Variants in CNTNAP2 observed in about 807,000 individuals in gnomAD.
CNTNAP2 encodes the protein contactin associated protein 2.
A neutral mutation model predicts 155.2 loss-of-function variants in CNTNAP2; 98 were observed. The ratio of observed to expected loss-of-function variants is 0.63; its 90% CI spans 0.54 to 0.75. The LOEUF (loss-of-function observed/expected upper bound fraction) is 0.75, where lower values mean the gene tolerates loss of function less well. CNTNAP2 is among the 30% of genes least tolerant of loss of function. The pLI, the probability that CNTNAP2 is intolerant of heterozygous loss-of-function variation, is 0.00. For synonymous variants in CNTNAP2, 651 were observed against 631.2 expected (o/e 1.03, Z -0.47); for missense variants, 1,727 against 1,688.1 (o/e 1.02, Z -0.40).
intron 10 of CNTNAP2, among the ~76,000 whole-genome samples, chr7:147,470,475 G>A (rs113288374): frequency 6.6e-6 from 1 of 151,868 alleles, no homozygotes; most frequent in Non-Finnish European, 1.5e-5. Flanking sequence ...AGAGATGGTA[G>A]CTATGATAGC....
intron 14 of CNTNAP2, among the ~76,000 whole-genome samples, chr7:147,958,564 C>T (rs1753149764): frequency 6.6e-6 from 1 of 152,066 alleles, no homozygotes; most frequent in Admixed American, 6.6e-5. Flanking sequence ...TAGATATTTT[C>T]TTCTTCATGG....
At chr7:147,033,827 T>C (rs964467980) in intron 3 of CNTNAP2, among the ~76,000 whole-genome samples, 6 of 150,484 alleles carry the variant, frequency 4.0e-5, no homozygotes, top group Non-Finnish European at 7.4e-5. Context: ...CAGGATGCTC[T>C]TGATACAGGC....
chr7:146,437,068 C>T (rs1796254170), intron 1 of CNTNAP2, among the ~76,000 whole-genome samples: 1 of 151,448 alleles, frequency 6.6e-6, no homozygotes, highest in African/African-American at 2.5e-5. Context: ...GTGAGCATTA[C>T]TGTCTGAGCT....
intron 21 of CNTNAP2, among the ~76,000 whole-genome samples, chr7:148,363,732 T>A (rs1165683290): frequency 6.6e-6 from 1 of 152,206 alleles, no homozygotes; most frequent in African/African-American, 2.4e-5. Context: ...TGAGGAGCCC[T>A]TCAGTCCCCC....
chr7:147,349,203 A>G (rs575118310), intron 9 of CNTNAP2, among the ~76,000 whole-genome samples: 5 of 152,028 alleles, frequency 3.3e-5, no homozygotes, highest in Non-Finnish European at 5.9e-5. Context: ...TCCTAATCTG[A>G]CCGTTATACA....
chr7:147,562,162 C>G lies in CNTNAP2; in HGVS notation c.1802C>G (p.Ala601Gly). Residue 601 changes from alanine to glycine, a missense_variant, in exon 12 of 24, where the codon GCC (alanine) becomes GGC (glycine). Ala to Gly is a moderately conservative substitution (Grantham distance 60). Coordinates refer to ENST00000361727, the MANE Select transcript of CNTNAP2 (RefSeq NM_014141.6). ...GCTATCTACGAGCCTTCCTGTGAAG[C>G]CTACAAACACCTAGGACAGACATCA... ...HNSIYEPSCE[A>G]YKHLGQTSNY... 1.2e-6 allele frequency: 2 copies of G among 1,613,964 alleles called. No individual in the cohort carries two copies. The highest frequency in any genetic ancestry group is 2.2e-5 in the South Asian group (2 of 91,088).
At chr7:146,576,924 G>C (rs187136950) in intron 1 of CNTNAP2, among the ~76,000 whole-genome samples, 429 of 152,106 alleles carry the variant, frequency 2.8e-3, no homozygotes, top group Non-Finnish European at 4.9e-3. Flanking sequence ...AGTGGTGAGG[G>C]CTCCACCATA....
chr7:147,340,439 A>G (rs1477369402), intron 9 of CNTNAP2, among the ~76,000 whole-genome samples: 2 of 152,156 alleles, frequency 1.3e-5, no homozygotes, highest in Non-Finnish European at 2.9e-5. Context: ...TATATTCTGT[A>G]GGAATACTCT....
Position 146,370,259 on chromosome 7 carries a change from TTAAAA to T in CNTNAP2, c.97+253287_97+253291del, listed in dbSNP as rs1180991282. ...CAATAGGTGAAACCCCATCTCTACT[TTAAAA>T]AAAAAAAAAAAAAAAAAAAAAAAAA... On this transcript the variant is annotated intron_variant, in intron 1 of 23. Transcript: ENST00000361727. Among the ~76,000 whole-genome samples, 327 of 117,850 alleles carry T rather than the reference TTAAAA, an allele frequency of 2.8e-3. 2 individuals are homozygous for T. The highest frequency in any genetic ancestry group is 9.3e-3 in the African/African-American group (206 of 22,124). 77.3% of individuals were successfully genotyped at this position (117,850 alleles called of 152,430 possible). A position where few individuals can be genotyped will look rare whatever the true frequency, so the allele number is the denominator to read the frequency against.
chr7:146,186,135 A>C (rs773235794), intron 1 of CNTNAP2, among the ~76,000 whole-genome samples: 1 of 152,134 alleles, frequency 6.6e-6, no homozygotes, highest in Non-Finnish European at 1.5e-5. Flanking sequence ...CATATCATAA[A>C]ATGTGTGCTA....
At chr7:147,904,408 C>T (rs1585020482) in intron 14 of CNTNAP2, among the ~76,000 whole-genome samples, 1 of 152,118 alleles carries the variant, frequency 6.6e-6, no homozygotes, top group Non-Finnish European at 1.5e-5. Context: ...GTGAAAAAGG[C>T]CCCAGAAGTT....
At chr7:146,607,716 G>A (rs972663651) in intron 1 of CNTNAP2, among the ~76,000 whole-genome samples, 7 of 151,990 alleles carry the variant, frequency 4.6e-5, no homozygotes, top group African/African-American at 1.2e-4. Flanking sequence ...GGGCTCAAGC[G>A]ATCCTCCTGC....
chr7:147,574,371 G>A (rs1348450307), intron 12 of CNTNAP2, among the ~76,000 whole-genome samples: 1 of 151,964 alleles, frequency 6.6e-6, no homozygotes, highest in African/African-American at 2.4e-5. Context: ...GGGTCTTGTT[G>A]ACTTGGAGCT....
intron 13 of CNTNAP2, among the ~76,000 whole-genome samples, chr7:147,663,542 C>G (rs912637722): frequency 1.3e-5 from 2 of 152,180 alleles, no homozygotes; most frequent in Non-Finnish European, 2.9e-5. Flanking sequence ...AGACCTAGTT[C>G]TTGATTTTCT....
At chr7:147,754,287 C>G (rs1005336172) in intron 13 of CNTNAP2, among the ~76,000 whole-genome samples, 5 of 152,132 alleles carry the variant, frequency 3.3e-5, no homozygotes, top group Non-Finnish European at 5.9e-5. Flanking sequence ...GCTAAGGCAC[C>G]AATTCATCAT....
chr7:146,933,770 A>T (rs529474577), intron 3 of CNTNAP2, among the ~76,000 whole-genome samples: 1 of 152,294 alleles, frequency 6.6e-6, no homozygotes, highest in East Asian at 1.9e-4. Flanking sequence ...CCCATCAAAA[A>T]GTGGGCAAAG....
intron 3 of CNTNAP2, among the ~76,000 whole-genome samples, chr7:146,931,193 T>A (rs369672344): frequency 0.026 from 3,882 of 151,434 alleles, 157 homozygotes; most frequent in African/African-American, 0.089. Context: ...GAAGTAAAGC[T>A]CTCCTCAGCA....
At chr7:147,286,256 A>C (rs574242473) in intron 8 of CNTNAP2, among the ~76,000 whole-genome samples, 1 of 152,184 alleles carries the variant, frequency 6.6e-6, no homozygotes, top group Admixed American at 6.6e-5. Flanking sequence ...ATGGGACAAA[A>C]ATAAAGGTCT....
At chr7:146,461,567 A>C (rs6963234) in intron 1 of CNTNAP2, among the ~76,000 whole-genome samples, 3,501 of 152,328 alleles carry the variant, frequency 0.023, 130 homozygotes, top group African/African-American at 0.079. Flanking sequence ...TCACAGAAAA[A>C]TTATCTAAGG....
Sources: allele counts gnomAD v4.1 joint callset (sites outside exome capture counted in the v4.1 genomes callset), GRCh38; gene constraint gnomAD v4.1.1; transcripts MANE v1.5; gene names NCBI Gene and HGNC (gene_info 2026-07-23, HGNC 2026-07-21).